The following TRIO variants were observed in gnomAD, a reference collection of about 807,000 sequenced individuals.
TRIO encodes the protein trio Rho guanine nucleotide exchange factor.
A neutral mutation model predicts 351.9 loss-of-function variants in TRIO; 58 were observed. The observed-to-expected ratio is 0.16, with a 90% confidence interval of 0.13 to 0.21. The LOEUF (loss-of-function observed/expected upper bound fraction) is 0.21. TRIO is among the 10% of genes least tolerant of loss of function. The pLI is 1.00. For missense variants in TRIO, 3,201 were observed against 4,027.8 expected, an observed-to-expected ratio of 0.79 and a Z score of 5.56; for synonymous variants, 1,758 against 1,595.7, an observed-to-expected ratio of 1.10 and a Z score of -2.42.
intron 8 of TRIO, among the ~76,000 whole-genome samples, chr5:14,312,516 A>G (rs192620464): frequency 2.0e-5 from 3 of 152,232 alleles, no homozygotes; most frequent in Non-Finnish European, 1.5e-5. Context: ...CAAGAAAAAC[A>G]AAGAGCAGAC....
intron 28 of TRIO, 81 bp downstream of exon 28, chr5:14,394,211 C>T: frequency 1.1e-6 from 1 of 931,372 alleles, no homozygotes; most frequent in South Asian, 2.0e-5. Context: ...TATATAATTA[C>T]CCTGAATTTT....
At chr5:14,391,864 AT>A (rs896677600) in intron 27 of TRIO, among the ~76,000 whole-genome samples, 3 of 152,138 alleles carry the variant, frequency 2.0e-5, no homozygotes, top group African/African-American at 4.8e-5. Flanking sequence ...CCCTGTTTTA[AT>A]TGTCATTCTC....
At chr5:14,318,379 G>C (rs1166893729) in intron 9 of TRIO, among the ~76,000 whole-genome samples, 2 of 148,556 alleles carry the variant, frequency 1.3e-5, no homozygotes, top group African/African-American at 2.5e-5. Context: ...CACTTGAACT[G>C]GGGAGGCGGA....
At chr5:14,346,435 C>A (rs1043125309) in intron 11 of TRIO, among the ~76,000 whole-genome samples, 7 of 152,142 alleles carry the variant, frequency 4.6e-5, no homozygotes, top group Non-Finnish European at 7.3e-5. Flanking sequence ...CCCTGGGTAC[C>A]AAAAGAACTT....
chr5:14,275,804 G>A (rs1278115106), intron 2 of TRIO, among the ~76,000 whole-genome samples: 1 of 148,320 alleles, frequency 6.7e-6, no homozygotes, highest in Non-Finnish European at 1.5e-5. Context: ...TCTGTTTTGT[G>A]TAACAGAGTA....
intron 12 of TRIO, 98 bp from the exon 13 acceptor site, chr5:14,359,259 G>A: frequency 6.9e-7 from 1 of 1,451,392 alleles, no homozygotes; most frequent in Non-Finnish European, 9.4e-7. Flanking sequence ...GCAGCTTCCT[G>A]CCAGCTTTCT....
At chr5:14,496,573 A>G (rs530070412) in intron 49 of TRIO, among the ~76,000 whole-genome samples, 1 of 152,344 alleles carries the variant, frequency 6.6e-6, no homozygotes, top group South Asian at 2.1e-4. Flanking sequence ...ACACCCTCAC[A>G]GGAATACCCA....
chr5:14,264,525 TA>T (rs200122913), intron 1 of TRIO, among the ~76,000 whole-genome samples: 180 of 152,264 alleles, frequency 1.2e-3, no homozygotes, highest in East Asian at 4.6e-3. Context: ...ATATTTATGT[TA>T]AAAAAATAAT....
chr5:14,193,986 C>T (rs911653172), intron 1 of TRIO, among the ~76,000 whole-genome samples: 1 of 152,126 alleles, frequency 6.6e-6, no homozygotes, highest in Non-Finnish European at 1.5e-5. Context: ...GGTAGTTTTT[C>T]AGTATTCTCA....
chr5:14,479,423 C>T lies in TRIO; in HGVS notation c.6243+73C>T, dbSNP rs1456697869. 1.0e-5 allele frequency: 14 copies of T among 1,371,818 alleles called. No individual in the cohort carries two copies. In the African/African-American group the frequency reaches 1.9e-4, roughly 18 times the overall value. 85.0% of individuals were successfully genotyped at this position (1,371,818 alleles called of 1,614,324 possible). A position where few individuals can be genotyped will look rare whatever the true frequency, so the allele number is the denominator to read the frequency against. On this transcript the variant is annotated intron_variant, in intron 42 of 56. Transcript: ENST00000344204. ...AACTTATTTCTAAAAATGAAAGTAT[C>T]ATTGGTTTCCCAGGAGACTAATTTC...
At chr5:14,453,289 G>C (rs1349949092) in intron 34 of TRIO, among the ~76,000 whole-genome samples, 1 of 152,122 alleles carries the variant, frequency 6.6e-6, no homozygotes, top group Non-Finnish European at 1.5e-5. Flanking sequence ...ATAGTATCTT[G>C]TGCTCAAGTT....
intron 9 of TRIO, among the ~76,000 whole-genome samples, chr5:14,323,068 G>A (rs1387828233): frequency 6.6e-6 from 1 of 152,144 alleles, no homozygotes; most frequent in Non-Finnish European, 1.5e-5. Context: ...ACAAAGGCTG[G>A]GGAAAGGGCT....
intron 1 of TRIO, among the ~76,000 whole-genome samples, chr5:14,220,435 G>A (rs145613553): frequency 1.0e-3 from 157 of 152,294 alleles, no homozygotes; most frequent in African/African-American, 3.7e-3. Flanking sequence ...TGGCCTCTAA[G>A]TGTTCAAGTG....
rs200891687 is a variant in TRIO, at chr5:14,486,904, CAA to C, written c.6836-559_6836-558del. Reference sequence around the variant, plus strand: ...GTATTTTTCAAAGGCTTTAACACTTCAAGAGTTTGTGCATGTTTCCATACATG... The same window carrying C: ...GTATTTTTCAAAGGCTTTAACACTTCGAGTTTGTGCATGTTTCCATACATG... On this transcript the variant is annotated intron_variant, in intron 47 of 56. Transcript: ENST00000344204. 2.0e-3 allele frequency among the ~76,000 whole-genome samples: 298 copies of C among 152,252 alleles called. 2 individuals are homozygous for C. Among genetic ancestry groups the C allele is most frequent in the Non-Finnish European group, 2.5e-3 (171 of 68,024 alleles).
chr5:14,287,175 A>C, intron 4 of TRIO, 112 bp downstream of exon 4: 3 of 1,011,060 alleles, frequency 3.0e-6, no homozygotes, highest in Non-Finnish European at 4.4e-6. Flanking sequence ...CAGGAGCTGC[A>C]TATCTTACGA....
At chr5:14,340,426 T>G (rs1214774697) in intron 11 of TRIO, among the ~76,000 whole-genome samples, 1 of 151,444 alleles carries the variant, frequency 6.6e-6, no homozygotes, top group Non-Finnish European at 1.5e-5. Context: ...AAAAAGTAGC[T>G]TGTCTTTTTC....
chr5:14,252,626 A>AGAC (rs1204381768), intron 1 of TRIO, among the ~76,000 whole-genome samples: 24 of 152,354 alleles, frequency 1.6e-4, no homozygotes, highest in African/African-American at 5.3e-4. Context: ...ACCATCCCTG[A>AGAC]GACATCTCCT....
At position 14,504,295 on chromosome 5, in the gene TRIO, T is replaced by C. The variant is rs111733876; in HGVS notation, c.8412-98T>C. On this transcript the variant is annotated intron_variant, in intron 54 of 56. Coordinates refer to ENST00000344204, the MANE Select transcript of TRIO (RefSeq NM_007118.4). Reference sequence around the variant, plus strand: ...GGAGAGCAGGGCCTCTGGACAGGGCTGGGCCACCACACAGCCAGTCCATTT... The same window carrying C: ...GGAGAGCAGGGCCTCTGGACAGGGCCGGGCCACCACACAGCCAGTCCATTT... The C allele has an allele frequency of 8.1e-3, 10,971 of 1,362,526 alleles. 425 individuals are homozygous for C. In the African/African-American group the frequency reaches 0.1, roughly 13 times the overall value. 84.4% of individuals were successfully genotyped at this position (1,362,526 alleles called of 1,614,324 possible).
chr5:14,373,075 C>T (rs1311229319), intron 18 of TRIO, among the ~76,000 whole-genome samples: 1 of 148,408 alleles, frequency 6.7e-6, no homozygotes, highest in African/African-American at 2.6e-5. Context: ...GGGAAAAGCC[C>T]CTCACAAAAC....
Sources: allele counts gnomAD v4.1 joint callset (sites outside exome capture counted in the v4.1 genomes callset), GRCh38; gene constraint gnomAD v4.1.1; transcripts MANE v1.5; gene names NCBI Gene and HGNC (gene_info 2026-07-23, HGNC 2026-07-21).